The following MYOF variants were observed in gnomAD, a reference collection of about 807,000 sequenced individuals.
MYOF encodes the protein fer-1-like 3, myoferlin.
A neutral mutation model predicts 284.2 loss-of-function variants in MYOF; 244 were observed. That is an observed-to-expected ratio of 0.86 (90% CI 0.77 to 0.95). MYOF has a LOEUF of 0.95. Among genes scored for constraint, MYOF ranks in the 40% least tolerant of loss-of-function variants. MYOF has a pLI of 0.00. For synonymous variants in MYOF, 904 were observed against 919.7 expected, an observed-to-expected ratio of 0.98 and a Z score of 0.31; for missense variants, 2,496 against 2,560.6, an observed-to-expected ratio of 0.97 and a Z score of 0.54.
At chr10:93,408,661 C>T in intron 7 of MYOF, 126 bp downstream of exon 7, 3 of 1,297,180 alleles carry the variant, frequency 2.3e-6, no homozygotes, top group East Asian at 4.7e-5. Context: ...TTCACATGGT[C>T]ACACCTAGTT....
chr10:93,383,472 C>T (rs77137330), intron 19 of MYOF, among the ~76,000 whole-genome samples: 8,539 of 152,128 alleles, frequency 0.056, 331 homozygotes, highest in Middle Eastern at 0.13. Flanking sequence ...AGTCTAAAAG[C>T]CTCCCTAGCT....
At chr10:93,364,971 G>T (rs1845261022) in intron 26 of MYOF, among the ~76,000 whole-genome samples, 1 of 152,092 alleles carries the variant, frequency 6.6e-6, no homozygotes, top group Non-Finnish European at 1.5e-5. Context: ...GCCCTGACAT[G>T]CTTTGACCTT....
At chr10:93,385,286 T>C (rs146094873) in intron 19 of MYOF, among the ~76,000 whole-genome samples, 1 of 152,314 alleles carries the variant, frequency 6.6e-6, no homozygotes, top group African/African-American at 2.4e-5. Flanking sequence ...TGCCTGATTC[T>C]TACTGTGGAA....
At chr10:93,333,701 T>G in intron 42 of MYOF, 57 bp downstream of exon 42, 1 of 1,587,218 alleles carries the variant, frequency 6.3e-7, no homozygotes, top group South Asian at 1.1e-5. Context: ...ACAATTATTG[T>G]GGCTGATGAC....
chr10:93,379,442 C>T (rs927390492), intron 21 of MYOF, among the ~76,000 whole-genome samples: 16 of 152,290 alleles, frequency 1.1e-4, no homozygotes, highest in South Asian at 8.3e-4. Flanking sequence ...TTTCCACCTT[C>T]GTTGGAGTCA....
rs2057389621 is a variant in MYOF at position 93,482,038 on chromosome 10, CAAG to C, written c.88+66_88+68del. 3.5e-6 allele frequency: 5 copies of C among 1,446,336 alleles called. No individual in the cohort carries two copies. In the Admixed American group the frequency reaches 6.8e-5, roughly 20 times the overall value. The allele number at this position is 1,446,336 out of a possible 1,614,324, so 89.6% of individuals were successfully genotyped here. On this transcript the variant is annotated intron_variant, in intron 1 of 53. Coordinates refer to ENST00000359263, the MANE Select transcript of MYOF (RefSeq NM_013451.4). ...ATCAGCTGTCTAAATGCAGACTTTT[CAAG>C]AAGGTGACTCAAGAAACTAACATTC...
chr10:93,362,951 G>A (rs1030150223), intron 27 of MYOF, among the ~76,000 whole-genome samples: 3 of 151,660 alleles, frequency 2.0e-5, no homozygotes, highest in South Asian at 4.2e-4. Flanking sequence ...ACAGATAAAC[G>A]TTCATAAACA....
chr10:93,371,743 A>T (rs1845601350), intron 24 of MYOF, among the ~76,000 whole-genome samples: 1 of 73,428 alleles, frequency 1.4e-5, no homozygotes, highest in African/African-American at 5.5e-5. Flanking sequence ...CTTTTTTTTT[A>T]AAGTATAAAG....
At chr10:93,394,994 C>T (rs1390160372) in intron 16 of MYOF, among the ~76,000 whole-genome samples, 4 of 151,460 alleles carry the variant, frequency 2.6e-5, no homozygotes, top group African/African-American at 9.7e-5. Context: ...TTTTTCAAAA[C>T]CTATAAAAAG....
Position 93,366,434 on chromosome 10 carries a change from C to A in MYOF, c.2711G>T (p.Gly904Val). ...LKREFFLPPKGWEWEGEWIVD... is the reference protein window; with the variant it reads ...LKREFFLPPKVWEWEGEWIVD... ...TATCCACTCTCCTTCCCATTCCCAG[C>A]CTTTTGGAGGCAGAAAAAATTCCCT... Residue 904 changes from glycine (G) to valine (V), a missense_variant, in exon 26 of 54, where the codon GGC becomes GTC. This residue lies in a region of MYOF where 2,436 missense variants were observed against 2,480.7 expected (regional missense o/e 0.98). Coordinates refer to ENST00000359263, the MANE Select transcript of MYOF (RefSeq NM_013451.4). 6.2e-7 allele frequency: 1 copy of A among 1,614,010 alleles called. No homozygotes were observed.
intron 24 of MYOF, among the ~76,000 whole-genome samples, chr10:93,370,311 CTAATTTTTTTTTTTT>C (rs1211089448): frequency 9.2e-6 from 1 of 108,262 alleles, no homozygotes; most frequent in East Asian, 2.6e-4. Flanking sequence ...GTAATGATTA[CTAATTTTTTTTTTTT>C]TTTTTTTTTG....
At chr10:93,406,288 T>TTATATACATATATATATATATATATA (rs1847574381) in intron 7 of MYOF, among the ~76,000 whole-genome samples, 4 of 58,148 alleles carry the variant, frequency 6.9e-5, no homozygotes, top group Non-Finnish European at 1.7e-4. Flanking sequence ...TAAACCTCTT[T>TTATATACATATATATATATATATATA]TATATATATA....
At position 93,402,282 on chromosome 10, in the gene MYOF, C is replaced by G. The variant is rs373191266; in HGVS notation, c.940G>C (p.Gly314Arg). Residue 314 changes from glycine (G) to arginine (R), a missense_variant, in exon 11 of 54, where the codon GGT (glycine) becomes CGT (arginine). Physicochemically the swap from Gly to Arg is moderately radical, Grantham distance 125 (BLOSUM62 -2). Around this residue, in one of 3 missense-constraint regions of MYOF, gnomAD observed 2,436 missense variants for 2,480.7 expected, o/e 0.98. Transcript: ENST00000359263. ...ACAAACATGCTGACTTTCATATAAC[C>G]TTTAGAACCTGAACTGGTATCTTCC... is the stretch of plus-strand genomic sequence containing the variant. ...DPEDTSSGSKGYMKVSMFVLG... is the reference protein window; with the variant it reads ...DPEDTSSGSKRYMKVSMFVLG... 1.2e-6 allele frequency: 2 copies of G among 1,614,084 alleles called. No individual in the cohort carries two copies. Among genetic ancestry groups the G allele is most frequent in the Non-Finnish European group, 1.7e-6 (2 of 1,180,010 alleles).
intron 1 of MYOF, 60 bp from the exon 2 acceptor site, chr10:93,456,997 C>A: frequency 1.6e-6 from 2 of 1,280,240 alleles, no homozygotes; most frequent in African/African-American, 1.5e-5. Flanking sequence ...AGAGCGTGGG[C>A]CATTCATTTA....
intron 18 of MYOF, 132 bp downstream of exon 18, chr10:93,388,898 T>C: frequency 8.1e-7 from 1 of 1,239,818 alleles, no homozygotes; most frequent in African/African-American, 1.5e-5. Flanking sequence ...CTCCACAGTC[T>C]TTTCCTATCT....
chr10:93,342,431 C>A lies in MYOF; in HGVS notation c.4326+1425G>T, dbSNP rs185074704. ...GATTTCAACCAGCCTTTCTTATCAA[C>A]ACAGTGTACCTCAATTAGATGTTAG... On this transcript the variant is annotated intron_variant, in intron 38 of 53. Coordinates refer to ENST00000359263, the MANE Select transcript of MYOF (RefSeq NM_013451.4). Among the ~76,000 whole-genome samples, 9 of 152,310 alleles carry A rather than the reference C, an allele frequency of 5.9e-5. No individual in the cohort carries two copies. The East Asian group carries it at 1.7e-3, about 29-fold the overall frequency.
intron 49 of MYOF, 94 bp from the exon 50 acceptor site, chr10:93,316,907 G>C: frequency 1.0e-6 from 1 of 952,606 alleles, no homozygotes; most frequent in South Asian, 1.4e-5. Context: ...TCTCTCCTTT[G>C]CACCCCCACC....
chr10:93,342,011 G>T (rs766628062), intron 38 of MYOF: 1 of 1,261,014 alleles, frequency 7.9e-7, no homozygotes, highest in South Asian at 1.2e-5. Flanking sequence ...ATGTACACAT[G>T]TCCATGTTAT....
chr10:93,478,840 A>AAGAAAGAAAGAAAGAAAGAAAG lies in MYOF; in HGVS notation c.88+3266_88+3267insCTTTCTTTCTTTCTTTCTTTCT, dbSNP rs10666333. On this transcript the variant is annotated intron_variant, in intron 1 of 53. Transcript: ENST00000359263. ...GAAACAGTCTCAAAAAAAAAAAAAA[A>AAGAAAGAAAGAAAGAAAGAAAG]AAAGAAAGAAAGAAAGAAAGGGTTT... 2.2e-3 allele frequency among the ~76,000 whole-genome samples: 174 copies of AAGAAAGAAAGAAAGAAAGAAAG among 78,066 alleles called. 4 individuals are homozygous for AAGAAAGAAAGAAAGAAAGAAAG. Among genetic ancestry groups the AAGAAAGAAAGAAAGAAAGAAAG allele is most frequent in the African/African-American group, 8.1e-3 (159 of 19,516 alleles). The allele number at this position is 78,066 out of a possible 152,430, so 51.2% of individuals were successfully genotyped here.
Sources: gnomAD v4.1 joint callset for allele counts (sites outside exome capture counted in the v4.1 genomes callset) on GRCh38, gnomAD v4.1.1 for gene constraint, gnomAD v4.1.1 regional missense constraint, MANE v1.5 for transcripts, NCBI Gene and HGNC (gene_info 2026-07-23, HGNC 2026-07-21) for gene names.